ZNF76: variants seen among roughly 807,000 people sequenced by gnomAD.
ZNF76 encodes zinc finger protein 76.
Under a neutral mutation model 66.9 loss-of-function variants are expected in ZNF76, and 66 were observed. The observed-to-expected ratio is 0.99, with a 90% CI of 0.81 to 1.21. The LOEUF is 1.21. ZNF76 is among the 50% of genes most tolerant of loss of function. The pLI, the probability that ZNF76 is intolerant of heterozygous loss-of-function variation, is 0.00. For missense variants in ZNF76, 729 were observed against 760.3 expected, an observed-to-expected ratio of 0.96 and a Z score of 0.48; for synonymous variants, 275 against 296.1, an observed-to-expected ratio of 0.93 and a Z score of 0.73.
In ZNF76 at chr6:35,292,495, C is replaced by G; in HGVS notation, c.932-59C>G. On this transcript the variant is annotated intron_variant, in intron 9 of 13. Coordinates refer to ENST00000373953, the MANE Select transcript of ZNF76 (RefSeq NM_003427.5). This position sits in a 1 kb window ranked among gnomAD's most constrained non-coding sequence, Gnocchi z 4.7. ...CCAACCCTGTCCCTCACCCCTGTCC[C>G]CTTAGTTTCCCCCTTGCCAGCCCCA... The G allele has an allele frequency of 6.3e-7, 1 of 1,594,272 alleles. No individual in the cohort carries two copies. Among genetic ancestry groups the G allele is most frequent in the Non-Finnish European group, 8.6e-7 (1 of 1,164,754 alleles).
chr6:35,294,352 C>T, intron 12 of ZNF76, 104 bp from the exon 13 acceptor site: 2 of 794,976 alleles, frequency 2.5e-6, no homozygotes, highest in Admixed American at 2.0e-5. Flanking sequence ...TATCCATTCT[C>T]TTCTGGGTTG....
chr6:35,290,310 A>G lies in ZNF76; in HGVS notation c.477A>G (p.Gln159=), dbSNP rs760081943. The G allele has an allele frequency of 6.2e-7, 1 of 1,614,192 alleles. No individual in the cohort carries two copies. Among genetic ancestry groups the G allele is most frequent in the South Asian group, 1.1e-5 (1 of 91,080 alleles). The part of the protein sequence containing the change: ...SQIPRNGKGQ[Q]VGDRAFRCGY... ...TTCCCCGTAATGGAAAAGGGCAGCA[A>G]GTTGGAGACAGAGCATTCCGCTGTG... The change falls in exon 6 of 14, where the codon CAA becomes CAG. Residue 159 remains glutamine, a synonymous_variant. Coordinates refer to ENST00000373953, the MANE Select transcript of ZNF76 (RefSeq NM_003427.5).
rs1252287550 is a variant in ZNF76, at chr6:35,292,104, G to A, written c.931+367G>A. ...CCTTCAACTCCTCACCTTATCCGCC[G>A]TCCATGACTCCTGTGTATCCTCACC... On this transcript the variant is annotated intron_variant, in intron 9 of 13. Coordinates refer to ENST00000373953, the MANE Select transcript of ZNF76 (RefSeq NM_003427.5). This position sits in a 1 kb window ranked among gnomAD's most constrained non-coding sequence, Gnocchi z 4.7. 5.0e-5 allele frequency: 21 copies of A among 418,136 alleles called. No individual in the cohort carries two copies. Among genetic ancestry groups the A allele is most frequent in the Admixed American group, 1.1e-4 (3 of 27,494 alleles). The allele number at this position is 418,136 out of a possible 1,614,324, so 25.9% of individuals were successfully genotyped here.
At chr6:35,277,088 C>G (rs565348781) in intron 1 of ZNF76, among the ~76,000 whole-genome samples, 1 of 151,988 alleles carries the variant, frequency 6.6e-6, no homozygotes, top group Admixed American at 6.6e-5. Context: ...CATGAGCCAC[C>G]GTGCCCAGCC....
At position 35,293,061 on chromosome 6, in the gene ZNF76, G is replaced by T; in HGVS notation, c.1329+17G>T. 1 of 1,612,380 alleles carries T rather than the reference G, an allele frequency of 6.2e-7. No homozygotes were observed. The highest frequency in any genetic ancestry group is 8.5e-7 in the Non-Finnish European group (1 of 1,179,232). ...GCCCAGCAGGTACAGGCCCTGGAGGGCAGAGGTGCCATACTAGCTGGCACT... is the reference window on the plus strand; with the variant it reads ...GCCCAGCAGGTACAGGCCCTGGAGGTCAGAGGTGCCATACTAGCTGGCACT... On this transcript the variant is annotated intron_variant, in intron 11 of 13. Coordinates refer to ENST00000373953, the MANE Select transcript of ZNF76 (RefSeq NM_003427.5).
chr6:35,261,358 C>T (rs1785229222), intron 1 of ZNF76, among the ~76,000 whole-genome samples: 1 of 152,230 alleles, frequency 6.6e-6, no homozygotes, highest in African/African-American at 2.4e-5. Context: ...TGTAGCCTCA[C>T]TTCTCTGGTT....
In ZNF76 at chr6:35,281,049, T is replaced by A; in HGVS notation, c.-96-7T>A. 8.8e-7 allele frequency: 1 copy of A among 1,134,976 alleles called. No individual in the cohort carries two copies. The highest frequency in any genetic ancestry group is 1.2e-5 in the South Asian group (1 of 81,294). 70.3% of individuals were successfully genotyped at this position (1,134,976 alleles called of 1,614,324 possible). On this transcript the variant is annotated splice_polypyrimidine_tract_variant and splice_region_variant and intron_variant, in intron 1 of 13. Coordinates refer to ENST00000373953, the MANE Select transcript of ZNF76 (RefSeq NM_003427.5). ...AACTCATAATGTGATACTGTTTATT[T>A]TCTTAGATTTGTGACCCAGAAGGAA... is the stretch of plus-strand genomic sequence containing the variant.
chr6:35,282,048 T>C (rs1788846230), intron 2 of ZNF76, among the ~76,000 whole-genome samples: 1 of 151,770 alleles, frequency 6.6e-6, no homozygotes. Context: ...ATATAGGACA[T>C]GTAGTTAAAT....
chr6:35,269,057 G>T (rs563647372), intron 1 of ZNF76, among the ~76,000 whole-genome samples: 35 of 151,874 alleles, frequency 2.3e-4, no homozygotes, highest in African/African-American at 7.5e-4. Context: ...GAGGCGGGTG[G>T]TTCACCTGAG....
rs1223127507 is a variant in ZNF76 at position 35,292,734 on chromosome 6, T to TG, written c.1114dup (p.Glu372GlyfsTer12). On this transcript the variant is annotated frameshift_variant, in exon 10 of 14. Coordinates refer to ENST00000373953, the MANE Select transcript of ZNF76 (RefSeq NM_003427.5). LOFTEE classifies it high-confidence loss of function. This position sits in a 1 kb window ranked among gnomAD's most constrained non-coding sequence, Gnocchi z 4.7. ...CACAAGCGCAGTGCCCACGGCGAGC[T>TG]GGAGGCCACGGAGGAGAGCGAGCAG... 8 of 1,614,076 alleles carry TG rather than the reference T, an allele frequency of 5.0e-6. No homozygotes were observed. Among genetic ancestry groups the TG allele is most frequent in the Non-Finnish European group, 6.8e-6 (8 of 1,179,992 alleles).
intron 13 of ZNF76, 152 bp downstream of exon 13, chr6:35,294,721 A>T: frequency 1.4e-6 from 1 of 702,946 alleles, no homozygotes; most frequent in Non-Finnish European, 2.6e-6. Context: ...GCATCCATGC[A>T]TCTGTCTCAG....
intron 2 of ZNF76, among the ~76,000 whole-genome samples, chr6:35,283,570 G>A (rs1671940667): frequency 6.6e-6 from 1 of 152,184 alleles, no homozygotes; most frequent in African/African-American, 2.4e-5. Context: ...TGGGATATGA[G>A]GCCCTTGTCA....
chr6:35,293,313 C>T (rs1790705879), intron 11 of ZNF76, among the ~76,000 whole-genome samples: 1 of 152,168 alleles, frequency 6.6e-6, no homozygotes, highest in Admixed American at 6.5e-5. Flanking sequence ...TTCATCTGAA[C>T]AGGATATGGG....
intron 1 of ZNF76, chr6:35,279,759 G>A (rs567975128): frequency 7.6e-4 from 116 of 152,878 alleles, no homozygotes; most frequent in Admixed American, 2.0e-3. Flanking sequence ...CTGTGTCCTC[G>A]CTTTGGTTCT....
rs371094975 is a variant in ZNF76, at chr6:35,294,453, C to T, written c.1495-3C>T. On this transcript the variant is annotated splice_polypyrimidine_tract_variant and splice_region_variant and intron_variant, in intron 12 of 13. Transcript: ENST00000373953. ...GAATGGAAGACCTCCTTTTGTCTTT[C>T]AGGTCACAATCATTACCTCTGGGGC... 33 of 1,606,910 alleles carry T rather than the reference C, an allele frequency of 2.1e-5. No individual in the cohort carries two copies. In the African/African-American group the frequency reaches 4.3e-4, roughly 21 times the overall value.
At chr6:35,265,506 CAA>C (rs527326739) in intron 1 of ZNF76, among the ~76,000 whole-genome samples, 44 of 68,512 alleles carry the variant, frequency 6.4e-4, no homozygotes, top group African/African-American at 7.6e-4. Context: ...GACTCTGTCT[CAA>C]AAAAAAAAAA....
intron 1 of ZNF76, among the ~76,000 whole-genome samples, chr6:35,278,357 G>A (rs1167199028): frequency 2.6e-5 from 4 of 152,028 alleles, no homozygotes; most frequent in Admixed American, 1.3e-4. Context: ...TAGTAGAGAC[G>A]GGGCTTCTCC....
intron 13 of ZNF76, 90 bp downstream of exon 13, chr6:35,294,659 G>C: frequency 1.1e-6 from 1 of 934,810 alleles, no homozygotes; most frequent in South Asian, 1.4e-5. Flanking sequence ...TTGAAGAGAA[G>C]GGCATCTGAC....
At chr6:35,293,065 A>T (rs1790662976) in intron 11 of ZNF76, 21 bp downstream of exon 11, 1 of 1,612,152 alleles carries the variant, frequency 6.2e-7, no homozygotes. Flanking sequence ...TGGAGGGCAG[A>T]GGTGCCATAC....
Sources: gnomAD v4.1 joint callset for allele counts (sites outside exome capture counted in the v4.1 genomes callset) on GRCh38, gnomAD v4.1.1 for gene constraint, Gnocchi (gnomAD v3.1) non-coding constraint, MANE v1.5 for transcripts, NCBI Gene and HGNC (gene_info 2026-07-23, HGNC 2026-07-21) for gene names.